ZNF275: variants seen among roughly 807,000 people sequenced by gnomAD.
The protein encoded by ZNF275 is zinc finger protein 275.
A neutral mutation model predicts 4.3 loss-of-function variants in ZNF275; 4 were observed. The ratio of observed to expected loss-of-function variants is 0.93; its 90% CI spans 0.46 to 2.13. The LOEUF is 2.13. Among genes scored for constraint, ZNF275 ranks in the 30% most tolerant of loss-of-function variants. The probability of loss-of-function intolerance (pLI) is 0.02; values close to 1 mark genes in which losing one functional copy is unlikely to be tolerated. For synonymous variants in ZNF275, 173 were observed against 166.9 expected, an observed-to-expected ratio of 1.04 and a Z score of -0.28; for missense variants, 352 against 397.1, an observed-to-expected ratio of 0.89 and a Z score of 0.97.
chrX:153,334,812 G>T (rs1480148108), intron 1 of ZNF275, among the ~76,000 whole-genome samples: 1 of 107,176 alleles, frequency 9.3e-6, no homozygotes, highest in Non-Finnish European at 1.9e-5. Context: ...TGGGAGGGTG[G>T]GCCAGGTGGG....
rs1394169767 is a variant in ZNF275, at chrX:153,351,068, T to C, written c.*3093T>C. ...GTCGTCACTGCTCCCAGCTGGGACG[T>C]GGTGTCTTGGCATCCCTTCCTGCCG... On this transcript the variant is annotated 3_prime_UTR_variant, in exon 4 of 4. Transcript: ENST00000650114. 8.1e-6 allele frequency: 1 copy of C among 123,315 alleles called. No homozygotes were observed. Among genetic ancestry groups the C allele is most frequent in the Non-Finnish European group, 1.9e-5 (1 of 53,218 alleles). 10.2% of individuals were successfully genotyped at this position (123,315 alleles called of 1,213,427 possible).
At chrX:153,344,272 T>G (rs1364505984) in intron 2 of ZNF275, 8 of 301,614 alleles carry the variant, frequency 2.7e-5, no homozygotes, top group Non-Finnish European at 5.1e-5. Context: ...GAATCTGGCC[T>G]CAGCCTCTGT....
At chrX:153,341,801 G>T (rs112049493) in intron 2 of ZNF275, among the ~76,000 whole-genome samples, 2 of 112,331 alleles carry the variant, frequency 1.8e-5, no homozygotes, top group Non-Finnish European at 3.8e-5. Flanking sequence ...CTGATAAGAA[G>T]TTAGTAATTA....
rs1228732115 is a variant in ZNF275, at chrX:153,349,812, A to G, written c.*1837A>G. ...CATCCGAGATGCGGACTCCCTGTCT[A>G]TCTGTGGGCACCACTTGACTATCCA... On this transcript the variant is annotated 3_prime_UTR_variant, in exon 4 of 4. Coordinates refer to ENST00000650114, the MANE Select transcript of ZNF275 (RefSeq NM_001367757.1). 1 of 123,317 alleles carries G rather than the reference A, an allele frequency of 8.1e-6. No individual in the cohort carries two copies. The highest frequency in any genetic ancestry group is 1.9e-5 in the Non-Finnish European group (1 of 53,248). The allele number at this position is 123,317 out of a possible 1,213,427, so 10.2% of individuals were successfully genotyped here.
rs782246811 is a variant in ZNF275, at chrX:153,339,192, A to G, written c.31+2482A>G. On this transcript the variant is annotated intron_variant, in intron 2 of 3. Transcript: ENST00000650114. Reference sequence around the variant, plus strand: ...CTCAGGGCCAGGAGCTGCTGCAGACACTGGGGACTCAGGAGTGACCAAGAA... The same window carrying G: ...CTCAGGGCCAGGAGCTGCTGCAGACGCTGGGGACTCAGGAGTGACCAAGAA... 1.3e-4 allele frequency among the ~76,000 whole-genome samples: 15 copies of G among 111,732 alleles called. No homozygotes were observed. In the South Asian group the frequency reaches 5.3e-3, roughly 39 times the overall value.
In ZNF275 at chrX:153,352,742, C is replaced by T. The variant is rs1402865983; in HGVS notation, c.*4767C>T. 1 of 111,286 alleles carries T rather than the reference C, an allele frequency of 9.0e-6. No individual in the cohort carries two copies. Among genetic ancestry groups the T allele is most frequent in the Admixed American group, 9.5e-5 (1 of 10,536 alleles). 9.2% of individuals were successfully genotyped at this position (111,286 alleles called of 1,213,427 possible). A position where few individuals can be genotyped will look rare whatever the true frequency, so the allele number is the denominator to read the frequency against. ...TACCTTGTCTGTTTTCTGGCACTCA[C>T]TATAATCAGCCTTGCACTAGAGCTG... On this transcript the variant is annotated 3_prime_UTR_variant, in exon 4 of 4. Transcript: ENST00000650114.
chrX:153,343,158 G>A (rs1199211055), intron 2 of ZNF275, among the ~76,000 whole-genome samples: 2 of 112,834 alleles, frequency 1.8e-5, no homozygotes, highest in African/African-American at 3.2e-5. Context: ...TTTATGGCAC[G>A]ATGTGAAATC....
At chrX:153,342,925 G>A (rs782220604) in intron 2 of ZNF275, among the ~76,000 whole-genome samples, 46 of 112,571 alleles carry the variant, frequency 4.1e-4, no homozygotes, top group African/African-American at 1.4e-3. Flanking sequence ...CTGAATGCTG[G>A]CCTGTGTCTC....
intron 3 of ZNF275, 121 bp from the exon 4 acceptor site, chrX:153,346,698 C>A: frequency 2.6e-6 from 2 of 767,789 alleles, no homozygotes; most frequent in Non-Finnish European, 3.6e-6. Flanking sequence ...CTTCTGGTGG[C>A]TTCCGGGCCC....
intron 2 of ZNF275, among the ~76,000 whole-genome samples, chrX:153,341,615 C>A (rs1602826283): frequency 1.8e-5 from 2 of 111,919 alleles, no homozygotes; most frequent in South Asian, 7.4e-4. Flanking sequence ...TTAGTATTTC[C>A]TATAATAGAG....
chrX:153,343,366 G>C (rs927319060), intron 2 of ZNF275: 1 of 335,933 alleles, frequency 3.0e-6, no homozygotes, highest in African/African-American at 2.6e-5. Context: ...CTGTGTAGCT[G>C]TTTCTTAGAA....
In ZNF275 at chrX:153,350,044, A is replaced by G. The variant is rs781937562; in HGVS notation, c.*2069A>G. ...GGCAATGCTCCGAGTGGATTCAGTGACTGAGCAGCAGATTCACCCAAGAAA... is the reference window on the plus strand; with the variant it reads ...GGCAATGCTCCGAGTGGATTCAGTGGCTGAGCAGCAGATTCACCCAAGAAA... On this transcript the variant is annotated 3_prime_UTR_variant, in exon 4 of 4. Transcript: ENST00000650114. The G allele has an allele frequency of 1.9e-3, 231 of 124,191 alleles. No homozygotes were observed. The highest frequency in any genetic ancestry group is 3.7e-3 in the Non-Finnish European group (196 of 53,377). The allele number at this position is 124,191 out of a possible 1,213,427, so 10.2% of individuals were successfully genotyped here.
At chrX:153,341,484 G>A (rs782211905) in intron 2 of ZNF275, among the ~76,000 whole-genome samples, 3 of 112,129 alleles carry the variant, frequency 2.7e-5, no homozygotes, top group African/African-American at 9.7e-5. Context: ...AGATTTAAAA[G>A]TGAGGTGGGT....
chrX:153,342,213 T>C (rs2088484006), intron 2 of ZNF275, among the ~76,000 whole-genome samples: 1 of 112,533 alleles, frequency 8.9e-6, no homozygotes, highest in Non-Finnish European at 1.9e-5. Flanking sequence ...AATCTGCTGT[T>C]AATCACATCT....
intron 2 of ZNF275, among the ~76,000 whole-genome samples, chrX:153,337,650 GA>G (rs782777471): frequency 8.9e-6 from 1 of 112,207 alleles, no homozygotes; most frequent in Non-Finnish European, 1.9e-5. Flanking sequence ...GCAGTAGGTT[GA>G]CATTGACATC....
chrX:153,336,911 G>A (rs2088450100), intron 2 of ZNF275, among the ~76,000 whole-genome samples: 1 of 111,832 alleles, frequency 8.9e-6, no homozygotes, highest in Admixed American at 9.4e-5. Context: ...ACTCACAGGA[G>A]AAAAGATATT....
At position 153,349,441 on chromosome X, in the gene ZNF275, C is replaced by T. The variant is rs1031344675; in HGVS notation, c.*1466C>T. On this transcript the variant is annotated 3_prime_UTR_variant, in exon 4 of 4. Transcript: ENST00000650114. ...TTTCTGTTTTTTGCATGCAAATGGT[C>T]CGTTCATCTCCTTTGACTAGTTATC... 164 of 124,018 alleles carry T rather than the reference C, an allele frequency of 1.3e-3. No individual in the cohort carries two copies. The highest frequency in any genetic ancestry group is 5.2e-3 in the African/African-American group (162 of 31,007). The allele number at this position is 124,018 out of a possible 1,213,427, so 10.2% of individuals were successfully genotyped here.
Position 153,345,600 on chromosome X carries a change from A to G in ZNF275, c.112A>G (p.Thr38Ala). Residue 38 changes from threonine to alanine, a missense_variant, in exon 3 of 4, where the codon ACT becomes GCT. Thr to Ala is a moderately conservative substitution (Grantham distance 58). Transcript: ENST00000650114. Reference protein sequence around the residue: ...VLLVSDPSPNTDPAKYSESTS... With the variant: ...VLLVSDPSPNADPAKYSESTS... The stretch of plus-strand genomic sequence containing the variant: ...ACTGGTGTCAGACCCATCGCCCAAC[A>G]CTGATCCTGCTAAGTACTCTGGTGA... 8.3e-7 allele frequency: 1 copy of G among 1,208,530 alleles called. No homozygotes were observed. Among genetic ancestry groups the G allele is most frequent in the Admixed American group, 2.2e-5 (1 of 46,057 alleles).
intron 1 of ZNF275, among the ~76,000 whole-genome samples, chrX:153,334,872 G>T (rs1461768764): frequency 4.4e-5 from 1 of 22,702 alleles, no homozygotes; most frequent in Admixed American, 6.3e-4. Context: ...GGGTGGGAGT[G>T]GGGGGGGGCG....
Sources: allele counts gnomAD v4.1 joint callset (sites outside exome capture counted in the v4.1 genomes callset), GRCh38; gene constraint gnomAD v4.1.1; transcripts MANE v1.5; gene names NCBI Gene and HGNC (gene_info 2026-07-23, HGNC 2026-07-21).